NKAP: variants seen among roughly 807,000 people sequenced by gnomAD.
The protein encoded by NKAP is NF-kappa-B-activating protein.
Under a neutral mutation model 35.6 loss-of-function variants are expected in NKAP, and 4 were observed. The observed-to-expected ratio is 0.11, with a 90% CI of 0.06 to 0.26. NKAP has a LOEUF of 0.26. Ranked by LOEUF, NKAP falls within the 10% of genes least tolerant of loss-of-function variation. The pLI is 1.00. For missense variants in NKAP, 238 were observed against 321.9 expected, an observed-to-expected ratio of 0.74 and a Z score of 1.99; for synonymous variants, 106 against 119.2, an observed-to-expected ratio of 0.89 and a Z score of 0.72.
chrX:119,931,106 C>T (rs1441192249), intron 7 of NKAP, among the ~76,000 whole-genome samples: 2 of 107,991 alleles, frequency 1.9e-5, no homozygotes, highest in South Asian at 4.0e-4. Flanking sequence ...CATGCCACTG[C>T]ACTCCAGCCT....
intron 4 of NKAP, among the ~76,000 whole-genome samples, 184 bp downstream of exon 4, chrX:119,936,113 A>T (rs2056764677): frequency 8.9e-6 from 1 of 112,147 alleles, no homozygotes; most frequent in African/African-American, 3.2e-5. Context: ...CCCTACAGTT[A>T]TTGTATGGAT....
chrX:119,934,430 C>CCAAAA, intron 5 of NKAP, 64 bp downstream of exon 5: 1 of 190,562 alleles, frequency 5.2e-6, no homozygotes, highest in South Asian at 9.9e-5. Flanking sequence ...GACTCTGTCT[C>CCAAAA]AAAAAAAAAA....
intron 5 of NKAP, chrX:119,932,570 G>T: frequency 7.5e-6 from 1 of 132,558 alleles, no homozygotes; most frequent in Non-Finnish European, 1.5e-5. Flanking sequence ...AATGAGCTAT[G>T]ATTAGCCCAC....
chrX:119,931,998 T>G lies in NKAP; in HGVS notation c.861A>C (p.Pro287=), dbSNP rs775706449. 4 of 1,206,291 alleles carry G rather than the reference T, an allele frequency of 3.3e-6. No individual in the cohort carries two copies. Among genetic ancestry groups the G allele is most frequent in the Admixed American group, 2.2e-5 (1 of 45,488 alleles). The change falls in exon 7 of 9, where the codon CCA becomes CCC. Residue 287 remains proline (P), a synonymous_variant. Transcript: ENST00000371410. Reference sequence around the variant, plus strand: ...GAGCCTCTGGGCCAATTAAATCTGATGGTTCTTCAGCCTCTGCATGAAAGA... The same window carrying G: ...GAGCCTCTGGGCCAATTAAATCTGAGGGTTCTTCAGCCTCTGCATGAAAGA... ...PWKDRTKAEE[P]SDLIGPEAPK...
chrX:119,937,863 T>C (rs1054587951), intron 2 of NKAP: 1 of 110,547 alleles, frequency 9.0e-6, no homozygotes, highest in African/African-American at 3.3e-5. Flanking sequence ...TAAGAACAAG[T>C]TTCAGATAAT....
chrX:119,930,556 C>T (rs194299), intron 7 of NKAP, among the ~76,000 whole-genome samples: 39,956 of 111,035 alleles, frequency 0.36, 6,229 homozygotes, highest in African/African-American at 0.6. Flanking sequence ...CAGTGGCTCA[C>T]GCCTACAATC....
At position 119,921,180 on chromosome X, in the gene NKAP, G is replaced by A. The variant is rs1219343953; in HGVS notation, c.*4040C>T. The A allele has an allele frequency of 9.0e-6, 1 of 111,258 alleles. No homozygotes were observed. The highest frequency in any genetic ancestry group is 1.9e-5 in the Non-Finnish European group (1 of 53,023). The allele number at this position is 111,258 out of a possible 1,213,427, so 9.2% of individuals were successfully genotyped here. A position where few individuals can be genotyped will look rare whatever the true frequency, so the allele number is the denominator to read the frequency against. On this transcript the variant is annotated 3_prime_UTR_variant, in exon 9 of 9. Transcript: ENST00000371410. ...TGCAGGAGGGTGGCTTGGGGACTAG[G>A]GGCAATGACACGGGAAGGATACAAT...
chrX:119,940,951 C>T (rs775494406), intron 1 of NKAP, among the ~76,000 whole-genome samples: 123 of 110,236 alleles, frequency 1.1e-3, no homozygotes, highest in Non-Finnish European at 2.3e-3. Flanking sequence ...ACCAGCCTGG[C>T]CAACATGGCG....
rs757150208 is a variant in NKAP at position 119,933,194 on chromosome X, CA to C, written c.738-979del. Among the ~76,000 whole-genome samples the C allele has an allele frequency of 1.0e-3, 115 of 110,879 alleles. 1 individual carries two copies. The highest frequency in any genetic ancestry group is 3.7e-3 in the African/African-American group (114 of 30,600). On this transcript the variant is annotated intron_variant, in intron 5 of 8. Transcript: ENST00000371410. ...TTCATTATTTGAAAAGTCATTAAAA[CA>C]AAAAAAATCAAGCAATTATCCTGCT...
At chrX:119,942,672 G>T in intron 1 of NKAP, among the ~76,000 whole-genome samples, 1 of 111,083 alleles carries the variant, frequency 9.0e-6, no homozygotes, top group Admixed American at 9.6e-5. Flanking sequence ...TGTCTGAGGG[G>T]AAGGTTTATT....
At position 119,925,281 on chromosome X, in the gene NKAP, T is replaced by C. The variant is rs1377403360; in HGVS notation, c.1187A>G (p.Lys396Arg). 1 of 1,209,520 alleles carries C rather than the reference T, an allele frequency of 8.3e-7. No individual in the cohort carries two copies. The highest frequency in any genetic ancestry group is 1.8e-5 in the African/African-American group (1 of 57,138). The change falls in exon 9 of 9, where the codon AAG (lysine) becomes AGG (arginine). Residue 396 changes from lysine (K) to arginine (R), a missense_variant. Transcript: ENST00000371410. ...NQEERRKREN[K>R]ILASFREMVY... ...CATTTCTCGAAAACTGGCCAGAATC[T>C]TGTTCTCTCTCTTTCGTCTCTCTTC...
intron 7 of NKAP, among the ~76,000 whole-genome samples, chrX:119,931,338 C>A (rs1193441084): frequency 9.3e-6 from 1 of 106,971 alleles, no homozygotes; most frequent in Admixed American, 1.0e-4. Flanking sequence ...CGTATCTCTA[C>A]TGAAAATACA....
At chrX:119,928,341 C>G (rs194298) in intron 8 of NKAP, among the ~76,000 whole-genome samples, 15,943 of 111,719 alleles carry the variant, frequency 0.14, 1,038 homozygotes, top group South Asian at 0.34. Context: ...AAGATTTATT[C>G]TGAAGTCCTT....
chrX:119,932,297 T>C, intron 5 of NKAP, 81 bp from the exon 6 acceptor site: 1 of 669,921 alleles, frequency 1.5e-6, no homozygotes, highest in Non-Finnish European at 2.2e-6. Context: ...TCTTTTTAAA[T>C]TTTGAACTGG....
intron 4 of NKAP, 99 bp downstream of exon 4, chrX:119,936,198 A>G: frequency 1.1e-6 from 1 of 943,697 alleles, no homozygotes. Flanking sequence ...AAAACTCTTC[A>G]GTATTATTAT....
chrX:119,935,548 G>A (rs1364200145), intron 4 of NKAP, among the ~76,000 whole-genome samples: 1 of 111,667 alleles, frequency 9.0e-6, no homozygotes, highest in Admixed American at 9.6e-5. Flanking sequence ...TTTATTGTAT[G>A]AGATAGTGTT....
chrX:119,940,202 G>A (rs957558628), intron 1 of NKAP, among the ~76,000 whole-genome samples: 11 of 109,881 alleles, frequency 1.0e-4, no homozygotes, highest in Admixed American at 7.8e-4. Flanking sequence ...AGCTGGACAC[G>A]GTGGCATGTG....
Position 119,943,743 on chromosome X carries a change from T to C in NKAP, c.-138A>G. 1 of 721,587 alleles carries C rather than the reference T, an allele frequency of 1.4e-6. No homozygotes were observed. The highest frequency in any genetic ancestry group is 1.9e-6 in the Non-Finnish European group (1 of 521,093). 59.5% of individuals were successfully genotyped at this position (721,587 alleles called of 1,213,427 possible). A position where few individuals can be genotyped will look rare whatever the true frequency, so the allele number is the denominator to read the frequency against. On this transcript the variant is annotated 5_prime_UTR_variant, in exon 1 of 9. Transcript: ENST00000371410. ...AGGAAACCTTGGACACAGTTCTGGG[T>C]ACTTCTGCAAAACCCTTCCCCGGAT...
intron 4 of NKAP, among the ~76,000 whole-genome samples, chrX:119,935,950 C>T (rs748791712): frequency 8.9e-6 from 1 of 111,911 alleles, no homozygotes; most frequent in East Asian, 2.8e-4. Flanking sequence ...ACAGCCCAAC[C>T]CCCTGACTTG....
Sources: gnomAD v4.1 joint callset for allele counts (sites outside exome capture counted in the v4.1 genomes callset) on GRCh38, gnomAD v4.1.1 for gene constraint, MANE v1.5 for transcripts, NCBI Gene and HGNC (gene_info 2026-07-23, HGNC 2026-07-21) for gene names.